Variants in COL7A1 observed in about 807,000 individuals in gnomAD.
COL7A1 encodes the protein collagen type VII alpha 1 chain.
A neutral mutation model predicts 456.2 loss-of-function variants in COL7A1; 296 were observed. The ratio of observed to expected loss-of-function variants is 0.65; its 90% CI spans 0.59 to 0.71. COL7A1 has a LOEUF of 0.71. Ranked by LOEUF, COL7A1 falls within the 30% of genes least tolerant of loss-of-function variation. The probability of loss-of-function intolerance (pLI) is 0.00; values close to 1 mark genes in which losing one functional copy is unlikely to be tolerated. For missense variants in COL7A1, 3,441 were observed against 4,017.2 expected (o/e 0.86, Z 3.88); for synonymous variants, 1,464 against 1,525.9 (o/e 0.96, Z 0.95).
intron 34 of COL7A1, 59 bp downstream of exon 34, chr3:48,584,851 C>T: frequency 1.2e-6 from 2 of 1,613,810 alleles, no homozygotes; most frequent in African/African-American, 1.3e-5. Context: ...CCCAGGCTCC[C>T]ACCCTGTGGA....
In COL7A1 at chr3:48,583,878, G is replaced by A. The variant is rs756417734; in HGVS notation, c.4278+22C>T. On this transcript the variant is annotated intron_variant, in intron 39 of 118. Coordinates refer to ENST00000681320, the MANE Select transcript of COL7A1 (RefSeq NM_000094.4). The surrounding 1 kb of genome is among the most constrained non-coding windows in gnomAD (Gnocchi z 5.1). ...CCCACACCCCTGAGCAGGGCCCCCA[G>A]CAGAGCCTCAAGGCCCCTCACCGGC... 5.6e-6 allele frequency: 9 copies of A among 1,613,782 alleles called. No homozygotes were observed. The highest frequency in any genetic ancestry group is 6.8e-6 in the Non-Finnish European group (8 of 1,179,878).
chr3:48,578,639 C>T lies in COL7A1; in HGVS notation c.5425-124G>A. ...TAGAGACCCCCAGGACTGAGAGGTC[C>T]CATTGAGATCCCTCAGGCACAGACC... On this transcript the variant is annotated intron_variant, in intron 63 of 118. Transcript: ENST00000681320. The surrounding 1 kb of genome is among the most constrained non-coding windows in gnomAD (Gnocchi z 4.7). The T allele has an allele frequency of 8.8e-7, 1 of 1,132,064 alleles. No homozygotes were observed. Among genetic ancestry groups the T allele is most frequent in the Non-Finnish European group, 1.3e-6 (1 of 771,780 alleles). 70.1% of individuals were successfully genotyped at this position (1,132,064 alleles called of 1,614,324 possible).
chr3:48,579,668 C>G lies in COL7A1; in HGVS notation c.5155G>C (p.Gly1719Arg). The change falls in exon 59 of 119, where the codon GGA (glycine) becomes CGA (arginine). Residue 1719 changes from glycine (G) to arginine (R), a missense_variant and splice_region_variant. By Grantham distance (125) the Gly-to-Arg change is moderately radical. Coordinates refer to ENST00000681320, the MANE Select transcript of COL7A1 (RefSeq NM_000094.4). This position sits in a 1 kb window ranked among gnomAD's most constrained non-coding sequence, Gnocchi z 4.4. ...VDTGPGAREK[G>R]EPGDRGQEGP... ...TCTTGTCCGCGGTCCCCAGGCTCTC[C>G]CTGTGGCAGAGATAAGCTTGCTGAG... is the stretch of plus-strand genomic sequence containing the variant. The G allele has an allele frequency of 6.2e-7, 1 of 1,613,700 alleles. No individual in the cohort carries two copies. The highest frequency in any genetic ancestry group is 8.5e-7 in the Non-Finnish European group (1 of 1,179,980).
Position 48,571,403 on chromosome 3 carries a change from G to A in COL7A1, c.7069-125C>T, listed in dbSNP as rs372073439. On this transcript the variant is annotated intron_variant, in intron 92 of 118. Coordinates refer to ENST00000681320, the MANE Select transcript of COL7A1 (RefSeq NM_000094.4). The surrounding 1 kb of genome is among the most constrained non-coding windows in gnomAD (Gnocchi z 4.6). ...TGAACACATGGGAACTCAGACATGC[G>A]ACCAAGAATTGGCTCACAGGAGCTC... 8.6e-5 allele frequency: 106 copies of A among 1,234,710 alleles called. 1 individual carries two copies. Among genetic ancestry groups the A allele is most frequent in the African/African-American group, 5.2e-4 (35 of 67,046 alleles). 76.5% of individuals were successfully genotyped at this position (1,234,710 alleles called of 1,614,324 possible). A position where few individuals can be genotyped will look rare whatever the true frequency, so the allele number is the denominator to read the frequency against.
rs761592627 is a variant in COL7A1 at position 48,566,740 on chromosome 3, G to A, written c.8227-3C>T. 9 of 1,613,642 alleles carry A rather than the reference G, an allele frequency of 5.6e-6. No individual in the cohort carries two copies. The South Asian group carries it at 9.9e-5, about 18-fold the overall frequency. On this transcript the variant is annotated splice_polypyrimidine_tract_variant and splice_region_variant and intron_variant, in intron 111 of 118. Coordinates refer to ENST00000681320, the MANE Select transcript of COL7A1 (RefSeq NM_000094.4). This position sits in a 1 kb window ranked among gnomAD's most constrained non-coding sequence, Gnocchi z 5.9. ...TCTCCGGGGGGACCTCGCTCACCCT[G>A]TCAGACACAGGGACCAAGTGAGCAG...
At position 48,568,931 on chromosome 3, in the gene COL7A1, G is replaced by T; in HGVS notation, c.7687-76C>A. On this transcript the variant is annotated intron_variant, in intron 103 of 118. Coordinates refer to ENST00000681320, the MANE Select transcript of COL7A1 (RefSeq NM_000094.4). The surrounding 1 kb of genome is among the most constrained non-coding windows in gnomAD (Gnocchi z 5.2). ...GGCTTAGAATACAACGAGCCCGCCA[G>T]CTGGGGCAGAGCTCAAGTCACTCCC... is the stretch of plus-strand genomic sequence containing the variant. The T allele has an allele frequency of 7.0e-7, 1 of 1,425,130 alleles. No individual in the cohort carries two copies. The highest frequency in any genetic ancestry group is 9.7e-7 in the Non-Finnish European group (1 of 1,035,312). The allele number at this position is 1,425,130 out of a possible 1,614,324, so 88.3% of individuals were successfully genotyped here. A position where few individuals can be genotyped will look rare whatever the true frequency, so the allele number is the denominator to read the frequency against.
In COL7A1 at chr3:48,594,715, G is replaced by A. The variant is rs2045952986; in HGVS notation, c.86-167C>T. 6.6e-6 allele frequency among the ~76,000 whole-genome samples: 1 copy of A among 152,298 alleles called. No individual in the cohort carries two copies. The highest frequency in any genetic ancestry group is 2.1e-4 in the South Asian group (1 of 4,828). On this transcript the variant is annotated intron_variant, in intron 2 of 118. Transcript: ENST00000681320. The surrounding 1 kb of genome is among the most constrained non-coding windows in gnomAD (Gnocchi z 5.5). ...AGGGCCTTGGAGGGAGTTGAGCTCG[G>A]TGGGTCCCAGAGCAGACTCCCGCGG...
At position 48,569,263 on chromosome 3, in the gene COL7A1, C is replaced by T. The variant is rs888680287; in HGVS notation, c.7686+112G>A. ...CCATAGTCAGCCACAGAACCCCTTC[C>T]CCCTAAACCCCAGAAAGCCTCCTCC... On this transcript the variant is annotated intron_variant, in intron 103 of 118. Coordinates refer to ENST00000681320, the MANE Select transcript of COL7A1 (RefSeq NM_000094.4). The surrounding 1 kb of genome is among the most constrained non-coding windows in gnomAD (Gnocchi z 4.9). 6 of 1,316,136 alleles carry T rather than the reference C, an allele frequency of 4.6e-6. No individual in the cohort carries two copies. The African/African-American group carries it at 7.2e-5, about 16-fold the overall frequency. 81.5% of individuals were successfully genotyped at this position (1,316,136 alleles called of 1,614,324 possible).
chr3:48,586,255 G>A lies in COL7A1; in HGVS notation c.3551-9C>T. 1.2e-6 allele frequency: 2 copies of A among 1,613,700 alleles called. No individual in the cohort carries two copies. The highest frequency in any genetic ancestry group is 1.6e-4 in the Middle Eastern group (1 of 6,062). ...CATCACCACATTAAGCCCTAAGGTG[G>A]GGTCCAGTGGCTGCATGATAGCCTT... On this transcript the variant is annotated splice_polypyrimidine_tract_variant and intron_variant, in intron 27 of 118. Transcript: ENST00000681320. This position sits in a 1 kb window ranked among gnomAD's most constrained non-coding sequence, Gnocchi z 5.1.
Position 48,583,031 on chromosome 3 carries a change from TG to T in COL7A1, c.4499del (p.Pro1500GlnfsTer210). On this transcript the variant is annotated frameshift_variant, in exon 44 of 119. Transcript: ENST00000681320. LOFTEE classifies it high-confidence loss of function. This position sits in a 1 kb window ranked among gnomAD's most constrained non-coding sequence, Gnocchi z 5.1. Reference protein sequence around the residue: ...EAGEKGERGPPGPAGSRGLPG... With the variant: ...EAGEKGERGPXGPAGSRGLPG... Reference sequence around the variant, plus strand: ...GGTTTACCCGGGATCCCGCTGGGCCTGGGGGTCCACGTTCGCCCTGATGGAA... The same window carrying T: ...GGTTTACCCGGGATCCCGCTGGGCCTGGGGTCCACGTTCGCCCTGATGGAA... 1 of 1,613,990 alleles carries T rather than the reference TG, an allele frequency of 6.2e-7. No individual in the cohort carries two copies. Among genetic ancestry groups the T allele is most frequent in the Non-Finnish European group, 8.5e-7 (1 of 1,179,964 alleles).
rs1181199317 is a variant in COL7A1, at chr3:48,573,238, TG to T, written c.6652-3del. 1.9e-6 allele frequency: 3 copies of T among 1,614,082 alleles called. No individual in the cohort carries two copies. Among genetic ancestry groups the T allele is most frequent in the Admixed American group, 1.7e-5 (1 of 60,010 alleles). ...AGCTCCAGTAGGTCCAGTCAGGCCCTGGAGGAAGAGAAAGTTCAGGGCAGTG... is the reference window on the plus strand; with the variant it reads ...AGCTCCAGTAGGTCCAGTCAGGCCCTGAGGAAGAGAAAGTTCAGGGCAGTG... On this transcript the variant is annotated splice_region_variant and splice_polypyrimidine_tract_variant and intron_variant, in intron 84 of 118. Coordinates refer to ENST00000681320, the MANE Select transcript of COL7A1 (RefSeq NM_000094.4). The surrounding 1 kb of genome is among the most constrained non-coding windows in gnomAD (Gnocchi z 5.5).
At chr3:48,584,146 T>A in intron 37 of COL7A1, 85 bp from the exon 38 acceptor site, 1 of 1,609,552 alleles carries the variant, frequency 6.2e-7, no homozygotes, top group Non-Finnish European at 8.5e-7. Context: ...TGGGGTCCAA[T>A]TGGATTTCAA....
In COL7A1 at chr3:48,585,024, A is replaced by G; in HGVS notation, c.3975+12T>C. 6.2e-7 allele frequency: 1 copy of G among 1,613,378 alleles called. No homozygotes were observed. The highest frequency in any genetic ancestry group is 8.5e-7 in the Non-Finnish European group (1 of 1,179,932). ...AGCGCCCACCCTGACCTGCAGGACAAGGCTTGCTCACCTTTAGGCCAGGGG... is the reference window on the plus strand; with the variant it reads ...AGCGCCCACCCTGACCTGCAGGACAGGGCTTGCTCACCTTTAGGCCAGGGG... On this transcript the variant is annotated intron_variant, in intron 33 of 118. Transcript: ENST00000681320. The surrounding 1 kb of genome is among the most constrained non-coding windows in gnomAD (Gnocchi z 4.5).
rs778560986 is a variant in COL7A1 at position 48,583,184 on chromosome 3, G to A, written c.4438-13C>T. 2.5e-6 allele frequency: 4 copies of A among 1,613,620 alleles called. No homozygotes were observed. Among genetic ancestry groups the A allele is most frequent in the Admixed American group, 1.7e-5 (1 of 59,988 alleles). On this transcript the variant is annotated splice_polypyrimidine_tract_variant and intron_variant, in intron 42 of 118. Transcript: ENST00000681320. The surrounding 1 kb of genome is among the most constrained non-coding windows in gnomAD (Gnocchi z 5.1). The stretch of plus-strand genomic sequence containing the variant: ...AGCCCCGGTCACCCTGAAGAGAGAG[G>A]GTGAGAGAAAGACAGAGAGAGAGAG...
rs2107750732 is a variant in COL7A1 at position 48,586,656 on chromosome 3, G to A, written c.3310C>T (p.Pro1104Ser). The part of the protein sequence containing the change: ...GLLSYSHRPS[P>S]LFPLNGSHDL... ...TGGGAGCCATTCAGTGGGAACAGTG[G>A]GGAGGGCCGATGACTGTAAGACAGC... is the stretch of plus-strand genomic sequence containing the variant. Residue 1104 changes from proline to serine, a missense_variant, in exon 26 of 119, where the codon CCA becomes TCA. By Grantham distance (74) the Pro-to-Ser change is moderately conservative. This residue lies in a region of COL7A1 where 444 missense variants were observed against 427.6 expected (regional missense o/e 1.04). Transcript: ENST00000681320. This position sits in a 1 kb window ranked among gnomAD's most constrained non-coding sequence, Gnocchi z 5.1. 4 of 1,610,664 alleles carry A rather than the reference G, an allele frequency of 2.5e-6. No individual in the cohort carries two copies. The South Asian group carries it at 4.4e-5, about 18-fold the overall frequency.
In COL7A1 at chr3:48,570,596, A is replaced by G. The variant is rs2043848686; in HGVS notation, c.7344+43T>C. ...CGCCCCATCCTAAGTCCTCACGAGG[A>G]CAGGAAATCAAATACGTGGGGCTTT... On this transcript the variant is annotated intron_variant, in intron 96 of 118. Transcript: ENST00000681320. This position sits in a 1 kb window ranked among gnomAD's most constrained non-coding sequence, Gnocchi z 5.5. 1 of 1,612,574 alleles carries G rather than the reference A, an allele frequency of 6.2e-7. No individual in the cohort carries two copies.
At position 48,591,191 on chromosome 3, in the gene COL7A1, C is replaced by T. The variant is rs963306278; in HGVS notation, c.1636+273G>A. Among the ~76,000 whole-genome samples the T allele has an allele frequency of 6.6e-6, 1 of 152,014 alleles. No individual in the cohort carries two copies. The highest frequency in any genetic ancestry group is 2.4e-5 in the African/African-American group (1 of 41,352). ...TGTACAGTGGTCACCACTAGGGTAA[C>T]AGAAAGACAGGTGATTGAGCTTGTG... On this transcript the variant is annotated intron_variant, in intron 13 of 118. Coordinates refer to ENST00000681320, the MANE Select transcript of COL7A1 (RefSeq NM_000094.4). The surrounding 1 kb of genome is among the most constrained non-coding windows in gnomAD (Gnocchi z 7.0).
chr3:48,581,840 T>C lies in COL7A1; in HGVS notation c.4668+71A>G. On this transcript the variant is annotated intron_variant, in intron 48 of 118. Coordinates refer to ENST00000681320, the MANE Select transcript of COL7A1 (RefSeq NM_000094.4). The surrounding 1 kb of genome is among the most constrained non-coding windows in gnomAD (Gnocchi z 5.8). ...CCAGCAAGTCCTGTGACCCCCCAAG[T>C]CCCATAGATAGGCCCTATGACCTAG... The C allele has an allele frequency of 1.2e-6, 2 of 1,613,080 alleles. No homozygotes were observed. The highest frequency in any genetic ancestry group is 1.7e-6 in the Non-Finnish European group (2 of 1,179,216).
Position 48,591,640 on chromosome 3 carries a change from C to G in COL7A1, c.1507+33G>C, listed in dbSNP as rs1357142373. 1 of 1,613,776 alleles carries G rather than the reference C, an allele frequency of 6.2e-7. No homozygotes were observed. Among genetic ancestry groups the G allele is most frequent in the Admixed American group, 1.7e-5 (1 of 60,032 alleles). On this transcript the variant is annotated intron_variant, in intron 12 of 118. Transcript: ENST00000681320. This position sits in a 1 kb window ranked among gnomAD's most constrained non-coding sequence, Gnocchi z 7.0. ...GGCAGCCTGGGGCTCCGACACCTCC[C>G]CCACTCACTGGCCCAGCCCACAGAG...
Sources: gnomAD v4.1 joint callset for allele counts (sites outside exome capture counted in the v4.1 genomes callset) on GRCh38, gnomAD v4.1.1 for gene constraint, gnomAD v4.1.1 regional missense constraint, Gnocchi (gnomAD v3.1) non-coding constraint, MANE v1.5 for transcripts, NCBI Gene and HGNC (gene_info 2026-07-23, HGNC 2026-07-21) for gene names.